SLC25A13: variants seen among roughly 807,000 people sequenced by gnomAD.
SLC25A13 encodes solute carrier family 25 member 13, also known as electrogenic aspartate/glutamate antiporter SLC25A13, mitochondrial.
SLC25A13 carries 70 observed loss-of-function variants against 85.5 expected under a neutral mutation model. The ratio of observed to expected loss-of-function variants is 0.82; its 90% CI spans 0.68 to 1.00. The LOEUF (loss-of-function observed/expected upper bound fraction) is 1.00, where lower values mean the gene tolerates loss of function less well. SLC25A13 is among the 50% of genes least tolerant of loss of function. The probability of loss-of-function intolerance (pLI) is 0.00; values close to 1 mark genes in which losing one functional copy is unlikely to be tolerated. For missense variants in SLC25A13, 765 were observed against 819.8 expected, an observed-to-expected ratio of 0.93 and a Z score of 0.82; for synonymous variants, 259 against 288.7, an observed-to-expected ratio of 0.90 and a Z score of 1.04.
At chr7:96,128,016 G>A (rs561893512) in intron 15 of SLC25A13, among the ~76,000 whole-genome samples, 16 of 152,198 alleles carry the variant, frequency 1.1e-4, no homozygotes, top group African/African-American at 2.9e-4. Flanking sequence ...GGGGTTGCAC[G>A]GGGCACACTT....
chr7:96,122,112 G>C (rs974683792), intron 15 of SLC25A13, 115 bp from the exon 16 acceptor site: 10 of 1,381,244 alleles, frequency 7.2e-6, no homozygotes, highest in Non-Finnish European at 1.0e-5. Context: ...TCAATAAAAT[G>C]CCTATTTTGC....
At chr7:96,162,757 T>C (rs1793562065) in intron 13 of SLC25A13, among the ~76,000 whole-genome samples, 1 of 152,134 alleles carries the variant, frequency 6.6e-6, no homozygotes, top group Non-Finnish European at 1.5e-5. Flanking sequence ...TCAAAAGATG[T>C]GCAGAGGGAT....
intron 4 of SLC25A13, among the ~76,000 whole-genome samples, chr7:96,209,391 A>C (rs1795603397): frequency 1.5e-5 from 1 of 64,704 alleles, no homozygotes; most frequent in African/African-American, 6.3e-5. Flanking sequence ...CACACGATAC[A>C]AGCGTTACAT....
At chr7:96,123,716 A>G (rs532817894) in intron 15 of SLC25A13, among the ~76,000 whole-genome samples, 2 of 152,280 alleles carry the variant, frequency 1.3e-5, no homozygotes, top group South Asian at 4.2e-4. Context: ...GGTGGACAGG[A>G]GATTTCCAGT....
chr7:96,165,632 A>AG (rs1440757891), intron 13 of SLC25A13, among the ~76,000 whole-genome samples: 3 of 152,240 alleles, frequency 2.0e-5, no homozygotes, highest in Admixed American at 2.0e-4. Flanking sequence ...GGTTAGGATG[A>AG]GGCATTCAAA....
chr7:96,239,503 C>T (rs559959358), intron 3 of SLC25A13, among the ~76,000 whole-genome samples: 36 of 152,078 alleles, frequency 2.4e-4, no homozygotes, highest in Non-Finnish European at 4.6e-4. Flanking sequence ...GGTGAACTCA[C>T]TTAGTTCCTT....
intron 13 of SLC25A13, among the ~76,000 whole-genome samples, chr7:96,148,279 T>C (rs1053745401): frequency 2.6e-5 from 4 of 152,152 alleles, no homozygotes; most frequent in Non-Finnish European, 4.4e-5. Context: ...GCTGGTGCAT[T>C]CTGGTCCACA....
chr7:96,154,947 C>T (rs778855960), intron 13 of SLC25A13, among the ~76,000 whole-genome samples: 13 of 152,072 alleles, frequency 8.5e-5, no homozygotes, highest in Non-Finnish European at 1.3e-4. Flanking sequence ...TACAGGTGTA[C>T]GCCACCATAC....
chr7:96,215,929 C>T (rs1168658154), intron 4 of SLC25A13, among the ~76,000 whole-genome samples: 6 of 151,936 alleles, frequency 3.9e-5, no homozygotes, highest in African/African-American at 1.4e-4. Context: ...CCGAGATGGG[C>T]GGATCACCTG....
intron 5 of SLC25A13, among the ~76,000 whole-genome samples, chr7:96,207,566 T>G (rs1458026181): frequency 6.6e-6 from 1 of 152,200 alleles, no homozygotes; most frequent in East Asian, 1.9e-4. Flanking sequence ...TACATGAGTC[T>G]TTTTAAACAT....
intron 5 of SLC25A13, among the ~76,000 whole-genome samples, chr7:96,206,379 G>C (rs1795463946): frequency 6.6e-6 from 1 of 152,188 alleles, no homozygotes. Context: ...CCTGTATCCA[G>C]AAAGAGCCCA....
intron 5 of SLC25A13, among the ~76,000 whole-genome samples, chr7:96,193,438 TCTCTA>T (rs951240992): frequency 2.8e-4 from 42 of 152,186 alleles, no homozygotes; most frequent in African/African-American, 9.9e-4. Flanking sequence ...ACTTCCGTGC[TCTCTA>T]GAGTCCATGA....
intron 4 of SLC25A13, among the ~76,000 whole-genome samples, chr7:96,229,990 G>A (rs916222462): frequency 4.6e-5 from 7 of 152,118 alleles, no homozygotes; most frequent in East Asian, 3.9e-4. Context: ...TTCTGTGACC[G>A]AGCAAGTCTA....
intron 2 of SLC25A13, among the ~76,000 whole-genome samples, chr7:96,281,304 T>A (rs575022137): frequency 6.7e-6 from 1 of 149,110 alleles, no homozygotes; most frequent in South Asian, 2.1e-4. Flanking sequence ...GGCAGGAGAA[T>A]CGCTTGAACC....
chr7:96,235,768 G>A (rs1346611401), intron 3 of SLC25A13, among the ~76,000 whole-genome samples: 1 of 152,144 alleles, frequency 6.6e-6, no homozygotes, highest in Non-Finnish European at 1.5e-5. Flanking sequence ...AGAAAGAAAA[G>A]GGCCTGGTCA....
At chr7:96,198,654 C>T (rs958826966) in intron 5 of SLC25A13, among the ~76,000 whole-genome samples, 1 of 152,184 alleles carries the variant, frequency 6.6e-6, no homozygotes, top group African/African-American at 2.4e-5. Context: ...GGGATGTCAG[C>T]TTTTAAAACT....
chr7:96,288,655 C>T (rs556391139), intron 2 of SLC25A13, among the ~76,000 whole-genome samples: 5 of 152,196 alleles, frequency 3.3e-5, no homozygotes, highest in African/African-American at 7.2e-5. Flanking sequence ...CCCACGCCCA[C>T]GGAGCCTCGC....
At chr7:96,273,125 C>T (rs1798310609) in intron 3 of SLC25A13, among the ~76,000 whole-genome samples, 2 of 152,196 alleles carry the variant, frequency 1.3e-5, no homozygotes, top group East Asian at 1.9e-4. Context: ...TAGCTCCTAA[C>T]CTATACCCCA....
chr7:96,167,826 G>C (rs1562809700), intron 13 of SLC25A13, among the ~76,000 whole-genome samples: 6 of 152,090 alleles, frequency 3.9e-5, no homozygotes, highest in Admixed American at 3.9e-4. Context: ...TGGCTGGGCG[G>C]GGTGGCCCCA....
Sources: gnomAD v4.1 joint callset for allele counts (sites outside exome capture counted in the v4.1 genomes callset) on GRCh38, gnomAD v4.1.1 for gene constraint, MANE v1.5 for transcripts, NCBI Gene and HGNC (gene_info 2026-07-23, HGNC 2026-07-21) for gene names.